Variants in CDK11A observed in about 807,000 individuals in gnomAD.
The protein encoded by CDK11A is cyclin-dependent kinase 11A.
In CDK11A, 55 loss-of-function variants were observed where a neutral mutation model predicts 83.6. The observed-to-expected ratio is 0.66, with a 90% confidence interval of 0.53 to 0.82. CDK11A has a LOEUF of 0.82. Among genes scored for constraint, CDK11A ranks in the 40% least tolerant of loss-of-function variants. The pLI, the probability that CDK11A is intolerant of heterozygous loss-of-function variation, is 0.00. For synonymous variants in CDK11A, 247 were observed against 302.7 expected (o/e 0.82, Z 1.91); for missense variants, 564 against 810.1 (o/e 0.70, Z 3.69).
At chr1:1,719,538 GA>G in intron 3 of CDK11A, 83 bp from the exon 4 acceptor site, 1 of 1,063,376 alleles carries the variant, frequency 9.4e-7, no homozygotes, top group African/African-American at 1.7e-5. Flanking sequence ...TTTCAACCCA[GA>G]AAAATGCATG....
chr1:1,723,235 TAAAAA>T (rs1164936993), intron 1 of CDK11A, among the ~76,000 whole-genome samples: 2 of 49,332 alleles, frequency 4.1e-5, no homozygotes, highest in Admixed American at 2.6e-4. Flanking sequence ...AAGACTTGGT[TAAAAA>T]AAAAAAAAAA....
At chr1:1,703,982 G>C in intron 16 of CDK11A, 42 bp from the exon 17 acceptor site, 1 of 1,607,024 alleles carries the variant, frequency 6.2e-7, no homozygotes, top group Admixed American at 1.7e-5. Flanking sequence ...CAGTGCCCGC[G>C]AAGCTGTGGG....
In CDK11A at chr1:1,722,849, A is replaced by T; in HGVS notation, c.-13-18T>A. 9.0e-7 allele frequency: 1 copy of T among 1,111,960 alleles called. No homozygotes were observed. The highest frequency in any genetic ancestry group is 1.2e-6 in the Non-Finnish European group (1 of 818,076). The allele number at this position is 1,111,960 out of a possible 1,614,324, so 68.9% of individuals were successfully genotyped here. A position where few individuals can be genotyped will look rare whatever the true frequency, so the allele number is the denominator to read the frequency against. Reference sequence around the variant, plus strand: ...TTAAAACACTGCAAAAAGAAAAATAATTCAGCCTACATCAGGACACAGCAA... The same window carrying T: ...TTAAAACACTGCAAAAAGAAAAATATTTCAGCCTACATCAGGACACAGCAA... On this transcript the variant is annotated intron_variant, in intron 1 of 19. Transcript: ENST00000404249.
intron 2 of CDK11A, among the ~76,000 whole-genome samples, chr1:1,722,094 G>A (rs887533927): frequency 1.3e-5 from 2 of 150,708 alleles, no homozygotes; most frequent in Admixed American, 6.6e-5. Context: ...GCGACAGTGC[G>A]AGATTCCGTC....
chr1:1,718,657 C>A (rs1470250656), intron 4 of CDK11A, among the ~76,000 whole-genome samples: 1 of 123,848 alleles, frequency 8.1e-6, no homozygotes, highest in Non-Finnish European at 1.7e-5. Flanking sequence ...TTTTTTGAGA[C>A]GGAGTCTTGC....
At chr1:1,717,223 T>C (rs1483643247) in intron 4 of CDK11A, among the ~76,000 whole-genome samples, 1 of 151,216 alleles carries the variant, frequency 6.6e-6, no homozygotes, top group East Asian at 1.9e-4. Context: ...AAACTATAAT[T>C]ATCAGTTTTA....
intron 2 of CDK11A, 112 bp downstream of exon 2, chr1:1,722,596 T>C (rs1379812422): frequency 1.4e-5 from 6 of 421,696 alleles, no homozygotes; most frequent in Non-Finnish European, 2.7e-5. Flanking sequence ...ACCTGCGACA[T>C]TTGGAAGTAC....
At chr1:1,715,328 A>G (rs1193998564) in intron 5 of CDK11A, among the ~76,000 whole-genome samples, 1 of 127,002 alleles carries the variant, frequency 7.9e-6, no homozygotes, top group African/African-American at 2.7e-5. Context: ...CCTACCCAGA[A>G]GTCTGCCCCC....
chr1:1,720,519 C>G (rs912908885), intron 3 of CDK11A, among the ~76,000 whole-genome samples: 1 of 151,120 alleles, frequency 6.6e-6, no homozygotes, highest in Non-Finnish European at 1.5e-5. Context: ...CTGCCTCAGC[C>G]TCCGGAGTAG....
In CDK11A at chr1:1,718,845, C is replaced by G. The variant is rs181580218; in HGVS notation, c.355+483G>C. On this transcript the variant is annotated intron_variant, in intron 4 of 19. Transcript: ENST00000404249. ...TAGAGACTGGGTTTCACCGTGTTAG[C>G]CAGGATGGTCTTGATCTCCTGACCT... Among the ~76,000 whole-genome samples the G allele has an allele frequency of 3.5e-3, 524 of 150,462 alleles. 26 individuals carry two copies. Among genetic ancestry groups the G allele is most frequent in the Admixed American group, 0.026 (388 of 14,990 alleles).
At chr1:1,716,101 T>C (rs1205232854) in intron 5 of CDK11A, among the ~76,000 whole-genome samples, 1 of 150,716 alleles carries the variant, frequency 6.6e-6, no homozygotes, top group Non-Finnish European at 1.5e-5. Flanking sequence ...GACGTGCAGA[T>C]TTCTGATCCC....
In CDK11A at chr1:1,706,158, C is replaced by T. The variant is rs1470890794; in HGVS notation, c.1246-426G>A. Among the ~76,000 whole-genome samples, 42 of 149,112 alleles carry T rather than the reference C, an allele frequency of 2.8e-4. 4 individuals carry two copies. The highest frequency in any genetic ancestry group is 5.2e-4 in the Non-Finnish European group (35 of 66,814). ...TGAGATCTCGGCTCACTGCAACCTC[C>T]ACCTCCTGGGTTCAGGCGATTCTCC... On this transcript the variant is annotated intron_variant, in intron 11 of 19. Coordinates refer to ENST00000404249, the MANE Select transcript of CDK11A (RefSeq NM_024011.4).
At chr1:1,718,153 T>C (rs1489556825) in intron 4 of CDK11A, among the ~76,000 whole-genome samples, 1 of 147,644 alleles carries the variant, frequency 6.8e-6, no homozygotes, top group Non-Finnish European at 1.5e-5. Context: ...AGCTAGAGTT[T>C]GCTCTCTCTG....
At position 1,705,174 on chromosome 1, in the gene CDK11A, A is replaced by G. The variant is rs1644265081; in HGVS notation, c.1337-149T>C. On this transcript the variant is annotated intron_variant, in intron 12 of 19. Transcript: ENST00000404249. The stretch of plus-strand genomic sequence containing the variant: ...TTCTAGGTGGGGGCACGTGGGCACC[A>G]GGAGAACGCCCCAGCTGAGGTCTCG... 27 of 1,274,672 alleles carry G rather than the reference A, an allele frequency of 2.1e-5. 1 individual carries two copies. The highest frequency in any genetic ancestry group is 2.8e-5 in the Non-Finnish European group (27 of 968,244). 79.0% of individuals were successfully genotyped at this position (1,274,672 alleles called of 1,614,324 possible).
chr1:1,716,599 A>G (rs1644659463), intron 4 of CDK11A, 121 bp from the exon 5 acceptor site: 3 of 942,416 alleles, frequency 3.2e-6, no homozygotes, highest in Non-Finnish European at 4.7e-6. Context: ...GGATCACCTG[A>G]GGTCAGGAGT....
At chr1:1,706,984 A>G (rs1284960136) in intron 11 of CDK11A, among the ~76,000 whole-genome samples, 15 of 142,754 alleles carry the variant, frequency 1.1e-4, no homozygotes, top group Admixed American at 2.0e-4. Context: ...TTCTGGTCAC[A>G]CATCTACACT....
At chr1:1,720,675 G>C (rs1644872119) in intron 3 of CDK11A, among the ~76,000 whole-genome samples, 1 of 143,536 alleles carries the variant, frequency 7.0e-6, no homozygotes, top group Non-Finnish European at 1.5e-5. Flanking sequence ...GGGATTACAG[G>C]CATGAGCCAT....
At position 1,712,357 on chromosome 1, in the gene CDK11A, T is replaced by TGCGCTC. The variant is rs1396578241; in HGVS notation, c.526_531dup (p.Glu176_Arg177dup). 1.3e-6 allele frequency: 2 copies of TGCGCTC among 1,579,778 alleles called. No individual in the cohort carries two copies. The highest frequency in any genetic ancestry group is 1.4e-5 in the African/African-American group (1 of 73,822). ...TGCTCCTTCTGCTGCTCCCGCATCT[T>TGCGCTC]GCGCTCCCGCTCCCGCTTCCTTTCT... On this transcript the variant is annotated inframe_insertion, in exon 6 of 20. Coordinates refer to ENST00000404249, the MANE Select transcript of CDK11A (RefSeq NM_024011.4).
In CDK11A at chr1:1,703,819, C is replaced by A. The variant is rs1427982309; in HGVS notation, c.1911+5G>T. 6.2e-7 allele frequency: 1 copy of A among 1,609,584 alleles called. No individual in the cohort carries two copies. The highest frequency in any genetic ancestry group is 1.1e-5 in the South Asian group (1 of 90,754). On this transcript the variant is annotated splice_donor_5th_base_variant and intron_variant, in intron 17 of 19. Transcript: ENST00000404249. ...ATAGCGCACCTGCGGCAGGGCCAGA[C>A]CCACCTTGAACACTTTGTTGATCTG...
Sources: allele counts gnomAD v4.1 joint callset (sites outside exome capture counted in the v4.1 genomes callset), GRCh38; gene constraint gnomAD v4.1.1; transcripts MANE v1.5; gene names NCBI Gene and HGNC (gene_info 2026-07-23, HGNC 2026-07-21).